Variants in SLC2A13 observed in about 807,000 individuals in gnomAD.
SLC2A13 encodes the protein proton myo-inositol cotransporter.
SLC2A13 carries 32 observed loss-of-function variants against 64.4 expected under a neutral mutation model. That is an observed-to-expected ratio of 0.50 (90% CI 0.37 to 0.67). The LOEUF is 0.67. Ranked by LOEUF, SLC2A13 falls within the 30% of genes least tolerant of loss-of-function variation. The pLI, the probability that SLC2A13 is intolerant of heterozygous loss-of-function variation, is 0.00. For missense variants in SLC2A13, 743 were observed against 829.2 expected (o/e 0.90, Z 1.28); for synonymous variants, 338 against 327.1 (o/e 1.03, Z -0.36).
chr12:39,761,356 T>TGA (rs1351164540), intron 9 of SLC2A13, among the ~76,000 whole-genome samples: 2 of 151,948 alleles, frequency 1.3e-5, no homozygotes, highest in Non-Finnish European at 2.9e-5. Flanking sequence ...AAGAGATGGT[T>TGA]GAGAGAGAGA....
chr12:39,971,997 A>AAATATAT (rs1375405006), intron 3 of SLC2A13, among the ~76,000 whole-genome samples: 4 of 77,352 alleles, frequency 5.2e-5, no homozygotes, highest in Non-Finnish European at 7.4e-5. Context: ...AAAAAAAAAA[A>AAATATAT]ATATATATAT....
chr12:40,097,466 T>C lies in SLC2A13; in HGVS notation c.556+7787A>G, dbSNP rs532755445. Among the ~76,000 whole-genome samples, 9 of 152,308 alleles carry C rather than the reference T, an allele frequency of 5.9e-5. No homozygotes were observed. The East Asian group carries it at 1.7e-3, about 29-fold the overall frequency. Reference sequence around the variant, plus strand: ...AATGAAAGAAAACATTTGCAAATCATATATCTGATAGGGGGTTAATATTCA... The same window carrying C: ...AATGAAAGAAAACATTTGCAAATCACATATCTGATAGGGGGTTAATATTCA... On this transcript the variant is annotated intron_variant, in intron 1 of 9. Transcript: ENST00000280871.
intron 2 of SLC2A13, among the ~76,000 whole-genome samples, chr12:40,042,412 GA>G (rs1948103597): frequency 1.3e-5 from 2 of 152,040 alleles, no homozygotes; most frequent in East Asian, 1.9e-4. Flanking sequence ...AGAAAATAAT[GA>G]AAGTTTTCAG....
rs1435988607 is a variant in SLC2A13 at position 39,759,510 on chromosome 12, G to C, written c.*516C>G. On this transcript the variant is annotated 3_prime_UTR_variant, in exon 10 of 10. Coordinates refer to ENST00000280871, the MANE Select transcript of SLC2A13 (RefSeq NM_052885.4). ...TGTAGGAGGCACTTTGGAATTTGTTGATGAAAGCTTACATGGAATTTAGTT... is the reference window on the plus strand; with the variant it reads ...TGTAGGAGGCACTTTGGAATTTGTTCATGAAAGCTTACATGGAATTTAGTT... 1.3e-5 allele frequency: 2 copies of C among 152,908 alleles called. No individual in the cohort carries two copies. The highest frequency in any genetic ancestry group is 2.9e-5 in the Non-Finnish European group (2 of 68,250). The allele number at this position is 152,908 out of a possible 1,614,324, so 9.5% of individuals were successfully genotyped here.
At chr12:39,774,584 CTT>C (rs11322999) in intron 7 of SLC2A13, among the ~76,000 whole-genome samples, 382 of 130,182 alleles carry the variant, frequency 2.9e-3, no homozygotes, top group Non-Finnish European at 3.3e-3. Context: ...ATTGTCCAGC[CTT>C]TTTTTTTTTT....
rs561199827 is a variant in SLC2A13 at position 39,964,605 on chromosome 12, G to A, written c.926-13240C>T. On this transcript the variant is annotated intron_variant, in intron 3 of 9. Transcript: ENST00000280871. ...GATTTAAAACTATCTTTACCATGTC[G>A]GGAACATAACTGACAGAGCCTACAA... Among the ~76,000 whole-genome samples, 6 of 152,090 alleles carry A rather than the reference G, an allele frequency of 3.9e-5. No homozygotes were observed. The East Asian group carries it at 7.7e-4, about 20-fold the overall frequency.
intron 2 of SLC2A13, among the ~76,000 whole-genome samples, chr12:40,044,340 A>G (rs1480425017): frequency 6.6e-6 from 1 of 152,088 alleles, no homozygotes; most frequent in Non-Finnish European, 1.5e-5. Context: ...GGTGATGGCT[A>G]AGGAGTGCAA....
intron 7 of SLC2A13, among the ~76,000 whole-genome samples, chr12:39,779,851 A>G (rs111772315): frequency 0.011 from 1,610 of 152,368 alleles, 15 homozygotes; most frequent in Non-Finnish European, 0.015. Context: ...TTCCACTGCA[A>G]GAGTGCCTGC....
At chr12:39,928,236 A>T (rs1031171696) in intron 4 of SLC2A13, among the ~76,000 whole-genome samples, 1 of 152,158 alleles carries the variant, frequency 6.6e-6, no homozygotes, top group Non-Finnish European at 1.5e-5. Context: ...CACTAATATA[A>T]GTTATGCTTT....
At chr12:40,097,556 G>A (rs1938992819) in intron 1 of SLC2A13, among the ~76,000 whole-genome samples, 1 of 152,034 alleles carries the variant, frequency 6.6e-6, no homozygotes, top group African/African-American at 2.4e-5. Context: ...ATAGGTCAGG[G>A]ACGTGAAAAT....
intron 3 of SLC2A13, among the ~76,000 whole-genome samples, chr12:40,002,074 A>T (rs1183021372): frequency 6.6e-6 from 1 of 152,230 alleles, no homozygotes; most frequent in Admixed American, 6.5e-5. Context: ...GAAATTAAGG[A>T]AAACAAATGA....
At chr12:39,915,139 C>A (rs1288149014) in intron 4 of SLC2A13, among the ~76,000 whole-genome samples, 1 of 151,848 alleles carries the variant, frequency 6.6e-6, no homozygotes, top group African/African-American at 2.4e-5. Context: ...GTGCATATAG[C>A]AACCTAATAG....
intron 1 of SLC2A13, among the ~76,000 whole-genome samples, chr12:40,081,978 T>G (rs1638789740): frequency 6.6e-6 from 1 of 152,226 alleles, no homozygotes; most frequent in Non-Finnish European, 1.5e-5. Flanking sequence ...CTAGGCTGTG[T>G]GCTCTAACCC....
chr12:39,888,899 C>T (rs1045061268), intron 4 of SLC2A13, among the ~76,000 whole-genome samples: 3 of 152,084 alleles, frequency 2.0e-5, no homozygotes, highest in Non-Finnish European at 4.4e-5. Flanking sequence ...ATAAAAATAA[C>T]TAAAATTATT....
chr12:40,091,078 A>T (rs2136296709), intron 1 of SLC2A13, among the ~76,000 whole-genome samples: 1 of 152,328 alleles, frequency 6.6e-6, no homozygotes, highest in African/African-American at 2.4e-5. Flanking sequence ...ACAAACCTGT[A>T]CAGCATGTTA....
At chr12:39,810,934 A>G (rs1942138346) in intron 7 of SLC2A13, among the ~76,000 whole-genome samples, 3 of 152,270 alleles carry the variant, frequency 2.0e-5, no homozygotes, top group South Asian at 2.1e-4. Flanking sequence ...GATAAAACCA[A>G]CCTTATAAAA....
intron 1 of SLC2A13, among the ~76,000 whole-genome samples, chr12:40,061,210 A>C (rs1296948004): frequency 6.6e-6 from 1 of 152,108 alleles, no homozygotes; most frequent in Non-Finnish European, 1.5e-5. Flanking sequence ...CTGGGAAAGA[A>C]AAGGCAACAG....
chr12:39,881,317 G>A (rs146024651), intron 4 of SLC2A13, among the ~76,000 whole-genome samples: 1 of 151,798 alleles, frequency 6.6e-6, no homozygotes, highest in East Asian at 1.9e-4. Context: ...CAATATGAGT[G>A]TGGTTTATGT....
At chr12:39,831,297 C>T (rs566328719) in intron 6 of SLC2A13, among the ~76,000 whole-genome samples, 2 of 152,038 alleles carry the variant, frequency 1.3e-5, no homozygotes, top group Non-Finnish European at 2.9e-5. Flanking sequence ...GAAACCGAAT[C>T]ATAAAATAAA....
Sources: allele counts gnomAD v4.1 joint callset (sites outside exome capture counted in the v4.1 genomes callset), GRCh38; gene constraint gnomAD v4.1.1; transcripts MANE v1.5; gene names NCBI Gene and HGNC (gene_info 2026-07-23, HGNC 2026-07-21).